Variants in ADGRL2 observed in about 807,000 individuals in gnomAD.
The protein encoded by ADGRL2 is adhesion G protein-coupled receptor L2.
Under a neutral mutation model 157.4 loss-of-function variants are expected in ADGRL2, and 44 were observed. The observed-to-expected ratio is 0.28, with a 90% CI of 0.22 to 0.36. ADGRL2 has a LOEUF of 0.36. Among genes scored for constraint, ADGRL2 ranks in the 10% least tolerant of loss-of-function variants. The pLI is 1.00. For synonymous variants in ADGRL2, 585 were observed against 624.7 expected (o/e 0.94, Z 0.95); for missense variants, 1,510 against 1,768.9 (o/e 0.85, Z 2.63).
At chr1:81,827,422 A>G (rs2091584876) in intron 1 of ADGRL2, among the ~76,000 whole-genome samples, 1 of 152,116 alleles carries the variant, frequency 6.6e-6, no homozygotes, top group Admixed American at 6.6e-5. Context: ...CCCGTTATTT[A>G]CTATTTTGAT....
rs2094612107 is a variant in ADGRL2 at position 81,907,665 on chromosome 1, C to G, written c.287+435C>G. 2.6e-5 allele frequency among the ~76,000 whole-genome samples: 4 copies of G among 151,610 alleles called. No individual in the cohort carries two copies. In the South Asian group the frequency reaches 6.3e-4, roughly 24 times the overall value. On this transcript the variant is annotated intron_variant, in intron 3 of 23. Transcript: ENST00000686636. ...AGCAGTTTTAGGTTCTTATTAAAAT[C>G]AAGTAGAAAGTACAGAGATTTCTCA... is the stretch of plus-strand genomic sequence containing the variant.
chr1:81,386,194 A>G (rs2076431934), intron 1 of ADGRL2, among the ~76,000 whole-genome samples: 1 of 152,148 alleles, frequency 6.6e-6, no homozygotes, highest in Admixed American at 6.6e-5. Context: ...GACATGTCTG[A>G]CTGTTCCTCT....
chr1:81,521,476 C>T (rs11586072), intron 2 of ADGRL2, among the ~76,000 whole-genome samples: 1 of 151,976 alleles, frequency 6.6e-6, no homozygotes, highest in Non-Finnish European at 1.5e-5. Context: ...TTTCTCTATT[C>T]TTAAGGCTTC....
At chr1:81,805,422 C>G (rs2088966369) in intron 1 of ADGRL2, among the ~76,000 whole-genome samples, 1 of 151,788 alleles carries the variant, frequency 6.6e-6, no homozygotes, top group Non-Finnish European at 1.5e-5. Context: ...TATAGTTTTA[C>G]CTTAGATGTT....
intron 11 of ADGRL2, among the ~76,000 whole-genome samples, chr1:81,962,283 AT>A (rs1310779996): frequency 6.6e-6 from 1 of 151,962 alleles, no homozygotes; most frequent in Non-Finnish European, 1.5e-5. Flanking sequence ...CTTCATGTTG[AT>A]TTTTTTAACA....
At chr1:81,421,512 G>T (rs531814694) in intron 1 of ADGRL2, among the ~76,000 whole-genome samples, 1 of 152,260 alleles carries the variant, frequency 6.6e-6, no homozygotes, top group East Asian at 1.9e-4. Context: ...ACTCATAACT[G>T]CAAGCAGTTA....
chr1:81,825,974 A>G (rs2091445329), intron 1 of ADGRL2, among the ~76,000 whole-genome samples: 1 of 152,136 alleles, frequency 6.6e-6, no homozygotes. Flanking sequence ...AGCAATGGGA[A>G]GAGGATTAAG....
intron 1 of ADGRL2, among the ~76,000 whole-genome samples, chr1:81,812,054 C>T (rs1049598888): frequency 2.0e-5 from 3 of 151,526 alleles, no homozygotes; most frequent in African/African-American, 7.3e-5. Context: ...TCATGTTGAA[C>T]CACAGATTTT....
At chr1:81,616,196 C>T (rs963902941) in intron 3 of ADGRL2, among the ~76,000 whole-genome samples, 6 of 152,102 alleles carry the variant, frequency 3.9e-5, no homozygotes, top group African/African-American at 1.2e-4. Flanking sequence ...AAAGCCATAC[C>T]GTGACAATTC....
intron 1 of ADGRL2, among the ~76,000 whole-genome samples, chr1:81,385,104 C>A (rs1482967831): frequency 6.6e-6 from 1 of 152,078 alleles, no homozygotes; most frequent in Non-Finnish European, 1.5e-5. Flanking sequence ...TATTCCATTC[C>A]TTTGTTCTTC....
At chr1:81,385,005 T>A (rs1405312831) in intron 1 of ADGRL2, among the ~76,000 whole-genome samples, 1 of 152,206 alleles carries the variant, frequency 6.6e-6, no homozygotes, top group Non-Finnish European at 1.5e-5. Flanking sequence ...CCTTCACAGT[T>A]GTCCAACCAG....
At chr1:81,328,145 C>G (rs1020980245) in intron 1 of ADGRL2, among the ~76,000 whole-genome samples, 1 of 152,152 alleles carries the variant, frequency 6.6e-6, no homozygotes, top group Non-Finnish European at 1.5e-5. Context: ...AAATTTCAAA[C>G]CTTTTTCCTT....
upstream of ADGRL2, among the ~76,000 whole-genome samples, chr1:81,697,568 G>A (rs1057481804): frequency 6.6e-6 from 1 of 152,100 alleles, no homozygotes; most frequent in Non-Finnish European, 1.5e-5. Flanking sequence ...TATGATCATT[G>A]ACTGACCCAT....
chr1:81,337,197 C>A (rs1661706602), intron 1 of ADGRL2, among the ~76,000 whole-genome samples: 1 of 152,186 alleles, frequency 6.6e-6, no homozygotes, highest in South Asian at 2.1e-4. Flanking sequence ...TTTGCTTGTG[C>A]AACCTGATTC....
Position 81,562,098 on chromosome 1 carries a change from AATC to A in ADGRL2, c.-247-18773_-247-18771del, listed in dbSNP as rs2080456436. The stretch of plus-strand genomic sequence containing the variant: ...CTCAAGTAACCCAATCAACATTTAC[AATC>A]ATCAATACATAGTTCTGGTTGCAAG... On this transcript the variant is annotated intron_variant, in intron 2 of 24. Transcript: ENST00000370721. Among the ~76,000 whole-genome samples, 9 of 152,204 alleles carry A rather than the reference AATC, an allele frequency of 5.9e-5. No individual in the cohort carries two copies. In the South Asian group the frequency reaches 1.9e-3, roughly 32 times the overall value.
chr1:81,960,958 C>T (rs1032852829), intron 11 of ADGRL2, among the ~76,000 whole-genome samples: 3 of 152,122 alleles, frequency 2.0e-5, no homozygotes, highest in South Asian at 2.1e-4. Flanking sequence ...AGTTCTGCTC[C>T]GTGTTGTTTT....
intron 1 of ADGRL2, among the ~76,000 whole-genome samples, chr1:81,714,063 T>C (rs991702729): frequency 1.3e-5 from 2 of 152,210 alleles, no homozygotes; most frequent in Non-Finnish European, 2.9e-5. Context: ...CCATCAGATC[T>C]CATGAGACTT....
rs373147539 is a variant in ADGRL2 at position 81,352,570 on chromosome 1, G to A, written c.-302+46061G>A. Reference sequence around the variant, plus strand: ...AAAATGAAAAATTTTGTTGTACCTCGAAATTCTAGCTTCAATTCTTTAAGA... The same window carrying A: ...AAAATGAAAAATTTTGTTGTACCTCAAAATTCTAGCTTCAATTCTTTAAGA... On this transcript the variant is annotated intron_variant, in intron 1 of 24. Coordinates refer to the ADGRL2 transcript ENST00000370721. Among the ~76,000 whole-genome samples the A allele has an allele frequency of 7.9e-5, 12 of 152,216 alleles. No homozygotes were observed. In the East Asian group the frequency reaches 1.2e-3, roughly 15 times the overall value.
At chr1:81,465,094 G>A (rs984864739) in intron 2 of ADGRL2, among the ~76,000 whole-genome samples, 1 of 151,786 alleles carries the variant, frequency 6.6e-6, no homozygotes, top group South Asian at 2.1e-4. Flanking sequence ...TTTCAGCTAC[G>A]TTGTTTAGAT....
Sources: gnomAD v4.1 joint callset for allele counts (sites outside exome capture counted in the v4.1 genomes callset) on GRCh38, gnomAD v4.1.1 for gene constraint, MANE v1.5 for transcripts, NCBI Gene and HGNC (gene_info 2026-07-23, HGNC 2026-07-21) for gene names.